NSUN6: variants seen among roughly 807,000 people sequenced by gnomAD.
NSUN6 encodes NOP2/Sun RNA methyltransferase 6.
In NSUN6, 64 loss-of-function variants were observed where a neutral mutation model predicts 58.0. The observed-to-expected ratio is 1.10, with a 90% CI of 0.90 to 1.36. NSUN6 has a LOEUF of 1.36. Ranked by LOEUF, NSUN6 falls within the 40% of genes most tolerant of loss-of-function variation. The pLI, the probability that NSUN6 is intolerant of heterozygous loss-of-function variation, is 0.00. For missense variants in NSUN6, 701 were observed against 550.1 expected (o/e 1.27, Z -2.74); for synonymous variants, 231 against 193.9 (o/e 1.19, Z -1.59).
intron 4 of NSUN6, 124 bp downstream of exon 4, chr10:18,616,060 C>G (rs1218676236): frequency 1.6e-6 from 1 of 616,058 alleles, no homozygotes; most frequent in Non-Finnish European, 2.9e-6. Flanking sequence ...AAATGCAAAG[C>G]TGGAAAAATA....
intron 3 of NSUN6, among the ~76,000 whole-genome samples, chr10:18,631,449 A>G (rs1206240213): frequency 7.5e-6 from 1 of 133,390 alleles, no homozygotes; most frequent in East Asian, 2.6e-4. Flanking sequence ...AATGAGGAAA[A>G]GAGGAAGTCA....
intron 3 of NSUN6, among the ~76,000 whole-genome samples, chr10:18,627,315 C>T (rs542690557): frequency 1.3e-5 from 2 of 152,118 alleles, no homozygotes; most frequent in African/African-American, 4.8e-5. Context: ...TTTTAAATAA[C>T]TGTGATATCG....
chr10:18,554,538 T>G (rs556005388), intron 8 of NSUN6, among the ~76,000 whole-genome samples: 1 of 145,174 alleles, frequency 6.9e-6, no homozygotes, highest in East Asian at 2.1e-4. Context: ...AGAATGGGTA[T>G]GAATGGAATA....
Position 18,644,062 on chromosome 10 carries a change from C to T in NSUN6, c.232-1507G>A, listed in dbSNP as rs188894534. 2.0e-5 allele frequency among the ~76,000 whole-genome samples: 3 copies of T among 152,260 alleles called. No homozygotes were observed. The East Asian group carries it at 5.8e-4, about 29-fold the overall frequency. On this transcript the variant is annotated intron_variant, in intron 2 of 10. Coordinates refer to ENST00000377304, the MANE Select transcript of NSUN6 (RefSeq NM_182543.5). ...TACCATAAATTTCACCCATTTTAAA[C>T]GTACAATTCAATGATTTTTAGTAAA... is the stretch of plus-strand genomic sequence containing the variant.
At chr10:18,636,784 C>T (rs1247256570) in intron 3 of NSUN6, among the ~76,000 whole-genome samples, 2 of 151,628 alleles carry the variant, frequency 1.3e-5, no homozygotes, top group Non-Finnish European at 2.9e-5. Context: ...CCCAGCTACT[C>T]GGGAGGCTGA....
intron 7 of NSUN6, among the ~76,000 whole-genome samples, chr10:18,589,092 A>C (rs1045193657): frequency 6.6e-6 from 1 of 152,238 alleles, no homozygotes; most frequent in African/African-American, 2.4e-5. Context: ...GATGGAGCTG[A>C]AAAACACAGC....
At chr10:18,653,116 T>C (rs552123003), upstream of NSUN6, 17 of 985,086 alleles carry the variant, frequency 1.7e-5, no homozygotes, top group Non-Finnish European at 1.9e-5. Flanking sequence ...ATAGCACCAC[T>C]GATGGCTAGA....
chr10:18,645,425 T>A (rs2059518656), intron 2 of NSUN6, among the ~76,000 whole-genome samples: 1 of 152,210 alleles, frequency 6.6e-6, no homozygotes, highest in Non-Finnish European at 1.5e-5. Flanking sequence ...TCCCACATCC[T>A]TTATCTCTCA....
In NSUN6 at chr10:18,651,534, A is replaced by G. The variant is rs1590211043; in HGVS notation, c.-331T>C. ...AGTAACTGAATCCGTGGTGAAACGG[A>G]CGCAGATCAGTAAGCCAGGCTGACA... On this transcript the variant is annotated 5_prime_UTR_variant, in exon 1 of 11. Transcript: ENST00000377304. 3 of 1,019,134 alleles carry G rather than the reference A, an allele frequency of 2.9e-6. No individual in the cohort carries two copies. In the Admixed American group the frequency reaches 1.7e-4, roughly 59 times the overall value. The allele number at this position is 1,019,134 out of a possible 1,614,324, so 63.1% of individuals were successfully genotyped here. A position where few individuals can be genotyped will look rare whatever the true frequency, so the allele number is the denominator to read the frequency against.
intron 2 of NSUN6, among the ~76,000 whole-genome samples, chr10:18,643,965 T>C (rs567326744): frequency 4.9e-4 from 75 of 152,330 alleles, no homozygotes; most frequent in African/African-American, 1.8e-3. Flanking sequence ...AAACCAAGTA[T>C]ATCACCAGCT....
intron 8 of NSUN6, among the ~76,000 whole-genome samples, chr10:18,557,662 G>C (rs773543617): frequency 1.5e-4 from 23 of 149,784 alleles, no homozygotes; most frequent in Non-Finnish European, 3.3e-4. Context: ...ATGGAATGGA[G>C]AATGGAATGG....
At chr10:18,642,428 A>G in intron 3 of NSUN6, 48 bp downstream of exon 3, 1 of 934,340 alleles carries the variant, frequency 1.1e-6, no homozygotes, top group Non-Finnish European at 1.7e-6. Context: ...TCCCTGTGAC[A>G]AACTTTTATT....
chr10:18,551,034 A>T (rs1252349650), intron 9 of NSUN6, among the ~76,000 whole-genome samples: 1 of 152,152 alleles, frequency 6.6e-6, no homozygotes, highest in Non-Finnish European at 1.5e-5. Context: ...CAATAACTCT[A>T]TTTTTTTAAA....
At chr10:18,640,656 A>C (rs947612923) in intron 3 of NSUN6, among the ~76,000 whole-genome samples, 1 of 152,176 alleles carries the variant, frequency 6.6e-6, no homozygotes, top group African/African-American at 2.4e-5. Context: ...GAAATGCTCT[A>C]TCTTGACTGG....
chr10:18,628,346 A>G (rs772745860), intron 3 of NSUN6, among the ~76,000 whole-genome samples: 21 of 152,142 alleles, frequency 1.4e-4, no homozygotes, highest in South Asian at 4.1e-4. Flanking sequence ...AAAGCAGAGC[A>G]CCTCTCCTCC....
At chr10:18,575,553 C>A (rs963694135) in intron 8 of NSUN6, among the ~76,000 whole-genome samples, 2 of 152,120 alleles carry the variant, frequency 1.3e-5, no homozygotes, top group Non-Finnish European at 2.9e-5. Context: ...AAAAGCTATC[C>A]CAAACATTAG....
intron 7 of NSUN6, among the ~76,000 whole-genome samples, chr10:18,586,466 C>T (rs771197553): frequency 1.3e-5 from 2 of 152,124 alleles, no homozygotes; most frequent in Non-Finnish European, 2.9e-5. Context: ...GTGAGTGTTA[C>T]ACCTCTTAAA....
At chr10:18,577,270 CT>C (rs766151025) in intron 8 of NSUN6, among the ~76,000 whole-genome samples, 11 of 152,180 alleles carry the variant, frequency 7.2e-5, no homozygotes, top group Admixed American at 2.0e-4. Context: ...ACCACCGCCC[CT>C]GATGGAAATA....
At chr10:18,559,292 A>G (rs1246745562) in intron 8 of NSUN6, among the ~76,000 whole-genome samples, 2 of 151,068 alleles carry the variant, frequency 1.3e-5, no homozygotes, top group Non-Finnish European at 3.0e-5. Flanking sequence ...AATTGAATGG[A>G]ATGGAGAATG....
Sources: gnomAD v4.1 joint callset for allele counts (sites outside exome capture counted in the v4.1 genomes callset) on GRCh38, gnomAD v4.1.1 for gene constraint, MANE v1.5 for transcripts, NCBI Gene and HGNC (gene_info 2026-07-23, HGNC 2026-07-21) for gene names.